NUP210L: variants seen among roughly 807,000 people sequenced by gnomAD.
NUP210L encodes nuclear pore membrane glycoprotein 210-like.
Under a neutral mutation model 208.5 loss-of-function variants are expected in NUP210L, and 74 were observed. That is an observed-to-expected ratio of 0.35 (90% CI 0.29 to 0.43). The LOEUF (loss-of-function observed/expected upper bound fraction) is 0.43. NUP210L is among the 20% of genes least tolerant of loss of function. NUP210L has a pLI of 1.00. For missense variants in NUP210L, 1,843 were observed against 2,289.4 expected (o/e 0.81, Z 3.98); for synonymous variants, 780 against 816.9 (o/e 0.95, Z 0.77).
chr1:154,150,049 G>T (rs373585038), intron 2 of NUP210L, among the ~76,000 whole-genome samples: 1 of 152,098 alleles, frequency 6.6e-6, no homozygotes, highest in African/African-American at 2.4e-5. Context: ...GCAACATGGC[G>T]AAACCCCTAC....
intron 37 of NUP210L, among the ~76,000 whole-genome samples, chr1:153,998,214 TTAA>T (rs1487548191): frequency 2.0e-5 from 3 of 152,126 alleles, no homozygotes; most frequent in Non-Finnish European, 2.9e-5. Flanking sequence ...GCTGCCTATA[TTAA>T]TAATCAGTGA....
At chr1:154,045,950 A>T (rs748931254) in intron 27 of NUP210L, 119 bp downstream of exon 27, 7 of 910,024 alleles carry the variant, frequency 7.7e-6, no homozygotes, top group Non-Finnish European at 9.7e-6. Context: ...GCACCACTGC[A>T]CTCCAGCCTG....
At chr1:154,035,599 A>G (rs1652488192) in intron 27 of NUP210L, among the ~76,000 whole-genome samples, 5 of 151,744 alleles carry the variant, frequency 3.3e-5, no homozygotes, top group Admixed American at 2.6e-4. Context: ...GGGTTTCACC[A>G]TGTTGGCCAC....
At chr1:154,070,301 A>G in exon 17 of NUP210L, 1 of 1,610,022 alleles carries the variant, frequency 6.2e-7, no homozygotes, top group East Asian at 2.2e-5. Context: ...CACTGCCATC[A>G]TCTTTTGCTA....
Position 154,023,102 on chromosome 1 carries a change from C to A in NUP210L, c.4298+20G>T, listed in dbSNP as rs1651658461. 2 of 1,605,822 alleles carry A rather than the reference C, an allele frequency of 1.2e-6. No individual in the cohort carries two copies. Among genetic ancestry groups the A allele is most frequent in the Non-Finnish European group, 1.7e-6 (2 of 1,173,868 alleles). ...AAGATTTCTACCATAGTGTCAATAC[C>A]ATTCCTTTGACTTCCATACCTGTTC... On this transcript the variant is annotated intron_variant, in intron 31 of 39. Coordinates refer to ENST00000368559, the Ensembl canonical transcript of NUP210L.
chr1:154,105,417 G>A (rs7553596), intron 12 of NUP210L, among the ~76,000 whole-genome samples: 41,507 of 151,312 alleles, frequency 0.27, 5,964 homozygotes, highest in Admixed American at 0.37. Context: ...TGAACCCGGG[G>A]GGTGGAGGTT....
intron 17 of NUP210L, among the ~76,000 whole-genome samples, chr1:154,062,983 T>A (rs1654219190): frequency 6.6e-6 from 1 of 152,210 alleles, no homozygotes; most frequent in African/African-American, 2.4e-5. Flanking sequence ...GTGAGGCAGT[T>A]TCTTGTGATG....
intron 8 of NUP210L, among the ~76,000 whole-genome samples, chr1:154,128,409 C>A (rs985274190): frequency 1.3e-5 from 2 of 152,068 alleles, no homozygotes; most frequent in African/African-American, 2.4e-5. Flanking sequence ...CATTTGACCC[C>A]AGGAATTGGA....
At chr1:154,003,503 G>C (rs926865393) in intron 35 of NUP210L, among the ~76,000 whole-genome samples, 3 of 151,888 alleles carry the variant, frequency 2.0e-5, no homozygotes, top group Admixed American at 6.6e-5. Flanking sequence ...ACCATGCCTG[G>C]ACTATTTATT....
In NUP210L at chr1:154,082,231, T is replaced by TC. The variant is rs1206303030; in HGVS notation, c.2361+7189dup. On this transcript the variant is annotated intron_variant, in intron 16 of 39. Coordinates refer to ENST00000368559, the Ensembl canonical transcript of NUP210L. The stretch of plus-strand genomic sequence containing the variant: ...GTCATAAGAGTGGGTAGCCTGTGAG[T>TC]CCCCCCATTTGCAACTATCATCTGA... Among the ~76,000 whole-genome samples the TC allele has an allele frequency of 3.3e-5, 5 of 152,000 alleles. No individual in the cohort carries two copies. In the South Asian group the frequency reaches 6.3e-4, roughly 19 times the overall value.
chr1:154,001,291 G>T (rs994237562), intron 36 of NUP210L, among the ~76,000 whole-genome samples: 3 of 152,020 alleles, frequency 2.0e-5, no homozygotes, highest in Admixed American at 6.6e-5. Flanking sequence ...TCTGCCTCCC[G>T]GGTTCAAGCA....
intron 14 of NUP210L, among the ~76,000 whole-genome samples, chr1:154,099,389 G>T (rs1285124490): frequency 6.6e-6 from 1 of 152,158 alleles, no homozygotes; most frequent in Admixed American, 6.5e-5. Flanking sequence ...TCCACGGAGT[G>T]TGCAGCCCCA....
chr1:154,046,039 A>ATAATT, intron 27 of NUP210L, 30 bp downstream of exon 27: 1 of 1,589,286 alleles, frequency 6.3e-7, no homozygotes, highest in Non-Finnish European at 8.6e-7. Context: ...AAGATCCCTA[A>ATAATT]GATAACACAA....
chr1:154,134,929 G>A (rs1273318033), intron 7 of NUP210L, among the ~76,000 whole-genome samples: 1 of 150,932 alleles, frequency 6.6e-6, no homozygotes, highest in Non-Finnish European at 1.5e-5. Context: ...GTAGAGACGG[G>A]GTTTCTTCAT....
At chr1:154,034,482 C>T (rs962991595) in intron 27 of NUP210L, among the ~76,000 whole-genome samples, 5 of 152,120 alleles carry the variant, frequency 3.3e-5, no homozygotes, top group African/African-American at 1.2e-4. Flanking sequence ...GTGCCCACCA[C>T]CATGCCCAGC....
chr1:154,124,556 C>T (rs967117419), intron 10 of NUP210L, among the ~76,000 whole-genome samples: 1 of 152,056 alleles, frequency 6.6e-6, no homozygotes, highest in African/African-American at 2.4e-5. Flanking sequence ...CTCAGTTATG[C>T]CATTTACAAC....
chr1:154,125,647 A>C (rs1238876653), intron 10 of NUP210L, among the ~76,000 whole-genome samples: 16 of 1,358 alleles, frequency 0.012, no homozygotes, highest in Non-Finnish European at 0.039. Context: ...GGAAGGAAGG[A>C]AGGAAGGAAG....
At chr1:154,040,609 T>C (rs1274253541) in intron 27 of NUP210L, among the ~76,000 whole-genome samples, 5 of 151,354 alleles carry the variant, frequency 3.3e-5, no homozygotes, top group Admixed American at 2.6e-4. Context: ...TTTTTTGAGA[T>C]GGAGTCTCAC....
chr1:154,038,965 CTT>C (rs1223334698), intron 27 of NUP210L, among the ~76,000 whole-genome samples: 9 of 151,970 alleles, frequency 5.9e-5, no homozygotes, highest in Non-Finnish European at 1.2e-4. Context: ...ATTATATTGT[CTT>C]TGTCTTGAAA....
Sources: gnomAD v4.1 joint callset for allele counts (sites outside exome capture counted in the v4.1 genomes callset) on GRCh38, gnomAD v4.1.1 for gene constraint, MANE v1.5 for transcripts, NCBI Gene and HGNC (gene_info 2026-07-23, HGNC 2026-07-21) for gene names.